The following WDR70 variants were observed in gnomAD, a reference collection of about 807,000 sequenced individuals.
WDR70 encodes the protein WD repeat-containing protein 70.
A neutral mutation model predicts 88.6 loss-of-function variants in WDR70; 53 were observed. That is an observed-to-expected ratio of 0.60 (90% CI 0.48 to 0.75). WDR70 has a LOEUF of 0.75. Ranked by LOEUF, WDR70 falls within the 30% of genes least tolerant of loss-of-function variation. WDR70 has a pLI of 0.00. For synonymous variants in WDR70, 280 were observed against 270.0 expected (o/e 1.04, Z -0.36); for missense variants, 610 against 823.2 (o/e 0.74, Z 3.17).
At chr5:37,546,979 T>C (rs999645684) in intron 9 of WDR70, among the ~76,000 whole-genome samples, 6 of 151,872 alleles carry the variant, frequency 4.0e-5, no homozygotes, top group African/African-American at 1.5e-4. Context: ...CTCCAAAGAG[T>C]TGGAGAGTAT....
chr5:37,401,277 T>G (rs1304870310), intron 5 of WDR70, among the ~76,000 whole-genome samples: 2 of 148,070 alleles, frequency 1.4e-5, no homozygotes, highest in African/African-American at 5.0e-5. Flanking sequence ...CCCAAAGTGC[T>G]GGGATTACAG....
At chr5:37,690,514 G>T (rs979595391) in intron 10 of WDR70, among the ~76,000 whole-genome samples, 2 of 152,200 alleles carry the variant, frequency 1.3e-5, no homozygotes, top group Non-Finnish European at 2.9e-5. Flanking sequence ...GGATCTCTCA[G>T]CAGAAACTCT....
rs1748356454 is a variant in WDR70, at chr5:37,379,571, G to A, written c.91+17G>A. 1 of 1,613,684 alleles carries A rather than the reference G, an allele frequency of 6.2e-7. No homozygotes were observed. The highest frequency in any genetic ancestry group is 2.2e-5 in the East Asian group (1 of 44,888). ...CGGGGTTCGGTGAGTGACTGCCCCA[G>A]GCAGAGACCCTCTTCCTTGTGCAGA... On this transcript the variant is annotated intron_variant, in intron 2 of 17. Coordinates refer to ENST00000265107, the MANE Select transcript of WDR70 (RefSeq NM_018034.4).
Position 37,484,637 on chromosome 5 carries a change from T to C in WDR70, c.840+4650T>C, listed in dbSNP as rs576063644. 2.0e-5 allele frequency among the ~76,000 whole-genome samples: 3 copies of C among 152,304 alleles called. No individual in the cohort carries two copies. In the South Asian group the frequency reaches 6.2e-4, roughly 32 times the overall value. ...AAATATTTTTAATGGGATAATGATA[T>C]TTTAAGATTAAAGTATATTATATAT... On this transcript the variant is annotated intron_variant, in intron 8 of 17. Transcript: ENST00000265107.
At chr5:37,493,741 A>G (rs1175474293) in intron 8 of WDR70, among the ~76,000 whole-genome samples, 1 of 152,144 alleles carries the variant, frequency 6.6e-6, no homozygotes, top group Non-Finnish European at 1.5e-5. Flanking sequence ...AACCAAACAT[A>G]TTAAGTAATG....
chr5:37,670,955 A>C (rs1468468410), intron 10 of WDR70, among the ~76,000 whole-genome samples: 1 of 152,202 alleles, frequency 6.6e-6, no homozygotes, highest in Non-Finnish European at 1.5e-5. Flanking sequence ...TTGTATCCGC[A>C]TTGTCCTTCC....
intron 10 of WDR70, among the ~76,000 whole-genome samples, chr5:37,651,073 G>A (rs56100322): frequency 0.41 from 62,035 of 151,248 alleles, 14,868 homozygotes; most frequent in Non-Finnish European, 0.54. Flanking sequence ...TCAACCCGTC[G>A]TCTACATTAG....
At chr5:37,689,260 A>G (rs1242245666) in intron 10 of WDR70, among the ~76,000 whole-genome samples, 1 of 152,238 alleles carries the variant, frequency 6.6e-6, no homozygotes, top group East Asian at 1.9e-4. Flanking sequence ...TGGGCAGGGC[A>G]TAGCTGAACA....
Position 37,651,367 on chromosome 5 carries a change from A to G in WDR70, c.1092+46129A>G, listed in dbSNP as rs953644708. ...ATTTTCTTTATCCAATCTATCATTG[A>G]TGGGCATTTGGGCTGGTTCCAAGTC... On this transcript the variant is annotated intron_variant, in intron 10 of 17. Coordinates refer to ENST00000265107, the MANE Select transcript of WDR70 (RefSeq NM_018034.4). Among the ~76,000 whole-genome samples, 13 of 152,098 alleles carry G rather than the reference A, an allele frequency of 8.5e-5. 1 individual carries two copies. Among genetic ancestry groups the G allele is most frequent in the Admixed American group, 6.5e-4 (10 of 15,270 alleles).
intron 9 of WDR70, among the ~76,000 whole-genome samples, chr5:37,542,012 T>C (rs1046190042): frequency 1.3e-5 from 2 of 152,148 alleles, no homozygotes; most frequent in Non-Finnish European, 2.9e-5. Flanking sequence ...CATGGGCATT[T>C]GAAATATGTG....
At position 37,397,058 on chromosome 5, in the gene WDR70, T is replaced by A. The variant is rs188404054; in HGVS notation, c.492+488T>A. 5.2e-4 allele frequency among the ~76,000 whole-genome samples: 79 copies of A among 151,814 alleles called. 1 individual carries two copies. In the East Asian group the frequency reaches 0.014, roughly 27 times the overall value. ...TCAGGAGGCTGAGGTGGGAGGATAA[T>A]TTGGGCCCAGGAGATAGAGGTTGCA... On this transcript the variant is annotated intron_variant, in intron 5 of 17. Coordinates refer to ENST00000265107, the MANE Select transcript of WDR70 (RefSeq NM_018034.4).
At position 37,461,246 on chromosome 5, in the gene WDR70, TA is replaced by T. The variant is rs374523225; in HGVS notation, c.686+17878del. Among the ~76,000 whole-genome samples the T allele has an allele frequency of 7.2e-4, 109 of 152,242 alleles. 3 individuals carry two copies. The South Asian group carries it at 0.022, about 31-fold the overall frequency. ...CACATAAAGTTTGCTGACCCTACTGTAAAAGCTCTTCACAACCGCTTATTAT... is the reference window on the plus strand; with the variant it reads ...CACATAAAGTTTGCTGACCCTACTGTAAAGCTCTTCACAACCGCTTATTAT... On this transcript the variant is annotated intron_variant, in intron 7 of 17. Coordinates refer to ENST00000265107, the MANE Select transcript of WDR70 (RefSeq NM_018034.4).
chr5:37,701,646 C>T (rs573440157), intron 12 of WDR70, among the ~76,000 whole-genome samples: 5 of 151,924 alleles, frequency 3.3e-5, no homozygotes, highest in Admixed American at 6.6e-5. Context: ...AAAAATTAGC[C>T]GTGGTGGCGG....
chr5:37,597,298 G>T (rs1388140489), intron 9 of WDR70, among the ~76,000 whole-genome samples: 1 of 152,054 alleles, frequency 6.6e-6, no homozygotes, highest in African/African-American at 2.4e-5. Flanking sequence ...GTTCCATTTT[G>T]CATTCCCACA....
At chr5:37,475,200 G>A (rs1581315519) in intron 7 of WDR70, among the ~76,000 whole-genome samples, 2 of 30,706 alleles carry the variant, frequency 6.5e-5, no homozygotes, top group African/African-American at 7.1e-5. Flanking sequence ...GATTATAGGT[G>A]TGAGCCACGG....
At chr5:37,615,489 C>G (rs570428467) in intron 10 of WDR70, among the ~76,000 whole-genome samples, 93 of 151,934 alleles carry the variant, frequency 6.1e-4, no homozygotes, top group Admixed American at 1.8e-3. Flanking sequence ...GACAGCTGCT[C>G]AAATGTAAGA....
chr5:37,503,493 C>T (rs996165892), intron 8 of WDR70, among the ~76,000 whole-genome samples: 7 of 152,138 alleles, frequency 4.6e-5, no homozygotes, highest in African/African-American at 1.4e-4. Flanking sequence ...TCATTTAGCT[C>T]CTGCTTTTAA....
chr5:37,487,476 C>G (rs1477906518), intron 8 of WDR70, among the ~76,000 whole-genome samples: 1 of 150,886 alleles, frequency 6.6e-6, no homozygotes, highest in African/African-American at 2.4e-5. Context: ...TATATCTAAT[C>G]TATCATGATA....
chr5:37,590,603 T>C (rs1743504043), intron 9 of WDR70, among the ~76,000 whole-genome samples: 1 of 152,142 alleles, frequency 6.6e-6, no homozygotes, highest in African/African-American at 2.4e-5. Context: ...ATCCGACAAG[T>C]ACCCTCATTA....
Sources: allele counts gnomAD v4.1 joint callset (sites outside exome capture counted in the v4.1 genomes callset), GRCh38; gene constraint gnomAD v4.1.1; transcripts MANE v1.5; gene names NCBI Gene and HGNC (gene_info 2026-07-23, HGNC 2026-07-21).